Variants in GRIN2A observed in about 807,000 individuals in gnomAD.
GRIN2A encodes glutamate receptor ionotropic, NMDA 2A.
Under a neutral mutation model 113.4 loss-of-function variants are expected in GRIN2A, and 22 were observed. That is an observed-to-expected ratio of 0.19 (90% CI 0.14 to 0.28). The LOEUF is 0.28. Among genes scored for constraint, GRIN2A ranks in the 10% least tolerant of loss-of-function variants. GRIN2A has a pLI of 1.00. For missense variants in GRIN2A, 1,502 were observed against 1,887.0 expected (o/e 0.80, Z 3.78); for synonymous variants, 827 against 738.4 (o/e 1.12, Z -1.94).
intron 7 of GRIN2A, among the ~76,000 whole-genome samples, chr16:9,834,730 A>G (rs1283192315): frequency 6.6e-6 from 1 of 152,190 alleles, no homozygotes; most frequent in Non-Finnish European, 1.5e-5. Flanking sequence ...TATTCTACAA[A>G]ATATTTGAAG....
chr16:10,010,958 C>T (rs1233187161), intron 2 of GRIN2A, among the ~76,000 whole-genome samples: 1 of 152,166 alleles, frequency 6.6e-6, no homozygotes, highest in East Asian at 1.9e-4. Flanking sequence ...ATGTGCTAAA[C>T]GTTCAGGCTT....
At chr16:9,920,588 G>T (rs2044340312) in intron 3 of GRIN2A, among the ~76,000 whole-genome samples, 1 of 149,640 alleles carries the variant, frequency 6.7e-6, no homozygotes, top group Non-Finnish European at 1.5e-5. Flanking sequence ...TTTTCAGATG[G>T]AGTCTTGCTT....
At chr16:9,778,496 C>G (rs543200735) in intron 11 of GRIN2A, among the ~76,000 whole-genome samples, 1 of 152,264 alleles carries the variant, frequency 6.6e-6, no homozygotes, top group African/African-American at 2.4e-5. Flanking sequence ...TTTAATATCA[C>G]AAAGGAGTTC....
chr16:9,768,115 C>T (rs536239998), intron 12 of GRIN2A, among the ~76,000 whole-genome samples: 2 of 152,234 alleles, frequency 1.3e-5, no homozygotes, highest in South Asian at 2.1e-4. Flanking sequence ...AGCTGGAGTT[C>T]AGTGGCGCTA....
chr16:10,048,658 C>G (rs1271744230), intron 2 of GRIN2A, among the ~76,000 whole-genome samples: 1 of 152,188 alleles, frequency 6.6e-6, no homozygotes, highest in African/African-American at 2.4e-5. Flanking sequence ...TAGCCCAGGT[C>G]TGTGCCCTCC....
chr16:9,965,331 T>C (rs1452099591), intron 2 of GRIN2A, among the ~76,000 whole-genome samples: 1 of 152,178 alleles, frequency 6.6e-6, no homozygotes, highest in Admixed American at 6.5e-5. Context: ...AACGGAACTT[T>C]GTTAACCATT....
At chr16:9,968,371 T>C (rs1288426495) in intron 2 of GRIN2A, among the ~76,000 whole-genome samples, 1 of 152,208 alleles carries the variant, frequency 6.6e-6, no homozygotes, top group East Asian at 1.9e-4. Flanking sequence ...TGGAGTGCAA[T>C]GGTACGATCT....
intron 3 of GRIN2A, among the ~76,000 whole-genome samples, chr16:9,910,187 T>C (rs994650763): frequency 2.0e-5 from 3 of 151,624 alleles, no homozygotes; most frequent in African/African-American, 7.3e-5. Flanking sequence ...TTTCAGTTTT[T>C]GTTTGAATAC....
In GRIN2A at chr16:9,938,337, A is replaced by G. The variant is rs957100552; in HGVS notation, c.629T>C (p.Phe210Ser). 1.2e-6 allele frequency: 2 copies of G among 1,614,066 alleles called. No individual in the cohort carries two copies. Among genetic ancestry groups the G allele is most frequent in the Non-Finnish European group, 1.7e-6 (2 of 1,179,950 alleles). Residue 210 changes from phenylalanine (F) to serine (S), a missense_variant, in exon 3 of 13, where the codon TTT becomes TCT. Transcript: ENST00000330684. ...MQNVITLDTS[F>S]EDAKTQVQLK... ...CTGGACTTGTGTCTTTGCATCCTCAAAGGAAGTGTCCAGTGTGATCACATT... is the reference window on the plus strand; with the variant it reads ...CTGGACTTGTGTCTTTGCATCCTCAGAGGAAGTGTCCAGTGTGATCACATT...
At chr16:10,015,289 AGAAAG>A (rs368112397) in intron 2 of GRIN2A, among the ~76,000 whole-genome samples, 1 of 132,104 alleles carries the variant, frequency 7.6e-6, no homozygotes, top group Non-Finnish European at 1.6e-5. Flanking sequence ...AAAAAGAAAA[AGAAAG>A]GAAAGGAAAA....
intron 11 of GRIN2A, among the ~76,000 whole-genome samples, chr16:9,771,403 G>A (rs970693248): frequency 2.0e-5 from 3 of 151,668 alleles, no homozygotes; most frequent in African/African-American, 7.3e-5. Flanking sequence ...TATTTTAATT[G>A]TGATATTCAT....
intron 2 of GRIN2A, among the ~76,000 whole-genome samples, chr16:10,062,944 A>G (rs906324268): frequency 4.6e-5 from 7 of 152,164 alleles, no homozygotes; most frequent in Admixed American, 4.6e-4. Context: ...CTGCAGCACT[A>G]TTCACAATAA....
At chr16:9,894,972 T>A (rs955949283) in intron 3 of GRIN2A, among the ~76,000 whole-genome samples, 2 of 152,184 alleles carry the variant, frequency 1.3e-5, no homozygotes, top group African/African-American at 4.8e-5. Context: ...CATCTATCCG[T>A]CAATACATTC....
At chr16:9,789,555 C>T (rs1902467035) in intron 11 of GRIN2A, among the ~76,000 whole-genome samples, 1 of 8,558 alleles carries the variant, frequency 1.2e-4, no homozygotes, top group East Asian at 7.9e-4. Context: ...AACATACATA[C>T]ACACACACAC....
intron 2 of GRIN2A, among the ~76,000 whole-genome samples, chr16:9,985,507 C>T (rs2045963964): frequency 6.6e-6 from 1 of 151,726 alleles, no homozygotes; most frequent in Non-Finnish European, 1.5e-5. Flanking sequence ...ACTGTACAGC[C>T]ATGAAAAAGA....
chr16:10,093,597 G>A (rs1020585677), intron 2 of GRIN2A, among the ~76,000 whole-genome samples: 1 of 150,656 alleles, frequency 6.6e-6, no homozygotes, highest in African/African-American at 2.4e-5. Flanking sequence ...GGTGTTTTAG[G>A]GAATACCCGG....
At chr16:9,902,253 G>C (rs1411675602) in intron 3 of GRIN2A, among the ~76,000 whole-genome samples, 1 of 152,202 alleles carries the variant, frequency 6.6e-6, no homozygotes, top group Non-Finnish European at 1.5e-5. Context: ...AAGACAGAAG[G>C]TATGATATGC....
rs539823918 is a variant in GRIN2A, at chr16:9,827,207, G to A, written c.2007+2216C>T. Among the ~76,000 whole-genome samples the A allele has an allele frequency of 2.6e-5, 4 of 152,298 alleles. No homozygotes were observed. In the Middle Eastern group the frequency reaches 0.01, roughly 389 times the overall value. On this transcript the variant is annotated intron_variant, in intron 9 of 12. Coordinates refer to ENST00000330684, the MANE Select transcript of GRIN2A (RefSeq NM_001134407.3). ...TGACATGGCTTTAAAAACATTATAC[G>A]GCTGGCTGGCGAGTGGCAGAGAGGA... is the stretch of plus-strand genomic sequence containing the variant.
At chr16:9,868,314 C>G (rs919048150) in intron 4 of GRIN2A, among the ~76,000 whole-genome samples, 4 of 152,140 alleles carry the variant, frequency 2.6e-5, no homozygotes, top group Non-Finnish European at 4.4e-5. Flanking sequence ...GTCTCCCACG[C>G]TGGATGCAGT....
Sources: gnomAD v4.1 joint callset for allele counts (sites outside exome capture counted in the v4.1 genomes callset) on GRCh38, gnomAD v4.1.1 for gene constraint, MANE v1.5 for transcripts, NCBI Gene and HGNC (gene_info 2026-07-23, HGNC 2026-07-21) for gene names.